The following ARNT2 variants were observed in gnomAD, a reference collection of about 807,000 sequenced individuals.
The protein encoded by ARNT2 is aryl hydrocarbon receptor nuclear translocator 2, also known as ARNT protein 2.
In ARNT2, 36 loss-of-function variants were observed where a neutral mutation model predicts 91.7. The ratio of observed to expected loss-of-function variants is 0.39; its 90% CI spans 0.30 to 0.52. The LOEUF (loss-of-function observed/expected upper bound fraction) is 0.52, where lower values mean the gene tolerates loss of function less well. ARNT2 is among the 20% of genes least tolerant of loss of function. The pLI is 0.72. For synonymous variants in ARNT2, 365 were observed against 347.1 expected (o/e 1.05, Z -0.57); for missense variants, 775 against 939.3 (o/e 0.83, Z 2.29).
intron 1 of ARNT2, among the ~76,000 whole-genome samples, chr15:80,444,009 T>C (rs4778792): frequency 0.92 from 139,506 of 152,304 alleles, 64,053 homozygotes; most frequent in East Asian, 1. Context: ...TTATAGAATG[T>C]GTTCATGTTT....
chr15:80,423,035 A>G (rs1455986655), intron 1 of ARNT2, among the ~76,000 whole-genome samples: 3 of 152,244 alleles, frequency 2.0e-5, no homozygotes, highest in African/African-American at 7.2e-5. Flanking sequence ...TTGCTTTTAA[A>G]TCAAATGTAT....
intron 8 of ARNT2, among the ~76,000 whole-genome samples, chr15:80,539,928 C>T (rs750805699): frequency 2.4e-4 from 36 of 151,772 alleles, no homozygotes; most frequent in East Asian, 5.8e-4. Context: ...AACTGTTATA[C>T]GCTGTTCTTG....
intron 1 of ARNT2, among the ~76,000 whole-genome samples, chr15:80,424,941 C>T (rs529682372): frequency 3.3e-5 from 5 of 152,324 alleles, no homozygotes; most frequent in Admixed American, 2.0e-4. Context: ...TTATCCAGTT[C>T]CTTGTGCAAA....
intron 6 of ARNT2, among the ~76,000 whole-genome samples, chr15:80,508,725 T>C (rs943472558): frequency 1.3e-5 from 2 of 152,258 alleles, no homozygotes; most frequent in African/African-American, 4.8e-5. Flanking sequence ...GAGTAAATTA[T>C]AGTGCCTTGA....
chr15:80,405,508 A>G lies in ARNT2; in HGVS notation c.31+962A>G, dbSNP rs371848340. On this transcript the variant is annotated intron_variant, in intron 1 of 18. Transcript: ENST00000303329. ...AGATAGGGAGGGTCGGGGGAGGAAC[A>G]GCAATGCCTAGCAAAGAAAAGTGTC... is the stretch of plus-strand genomic sequence containing the variant. Among the ~76,000 whole-genome samples, 20 of 152,280 alleles carry G rather than the reference A, an allele frequency of 1.3e-4. No individual in the cohort carries two copies. In the East Asian group the frequency reaches 2.1e-3, roughly 16 times the overall value.
At chr15:80,555,444 A>C (rs543376507) in intron 11 of ARNT2, 1 of 343,400 alleles carries the variant, frequency 2.9e-6, no homozygotes, top group African/African-American at 2.0e-5. Context: ...GGAGAGAATA[A>C]CTGGGATGGG....
intron 14 of ARNT2, 45 bp downstream of exon 14, chr15:80,575,155 A>G: frequency 6.2e-7 from 1 of 1,602,820 alleles, no homozygotes; most frequent in Non-Finnish European, 8.5e-7. Flanking sequence ...GTGGGTTTAC[A>G]GTTGCTTTCA....
chr15:80,495,766 G>A (rs1199429925), intron 5 of ARNT2, among the ~76,000 whole-genome samples: 1 of 152,174 alleles, frequency 6.6e-6, no homozygotes, highest in African/African-American at 2.4e-5. Flanking sequence ...TGGAGCTCCA[G>A]CCAAACAGGA....
At position 80,498,977 on chromosome 15, in the gene ARNT2, C is replaced by T. The variant is rs75009577; in HGVS notation, c.623-9179C>T. 2.8e-3 allele frequency among the ~76,000 whole-genome samples: 424 copies of T among 152,236 alleles called. 1 individual carries two copies. The highest frequency in any genetic ancestry group is 6.2e-3 in the African/African-American group (258 of 41,544). On this transcript the variant is annotated intron_variant, in intron 5 of 18. Coordinates refer to ENST00000303329, the MANE Select transcript of ARNT2 (RefSeq NM_014862.4). ...GGCTGCCCTCTTCAAATCCTGACTC[C>T]GCAGTTCTCAGCTGTGAGACAACCG... is the stretch of plus-strand genomic sequence containing the variant.
intron 11 of ARNT2, chr15:80,559,907 C>T (rs1898296367): frequency 6.6e-6 from 1 of 152,416 alleles, no homozygotes; most frequent in African/African-American, 2.4e-5. Flanking sequence ...TCACCCTGGT[C>T]TGAGGGCCTG....
intron 1 of ARNT2, among the ~76,000 whole-genome samples, chr15:80,448,744 G>T (rs541613351): frequency 6.6e-6 from 1 of 152,198 alleles, no homozygotes; most frequent in Non-Finnish European, 1.5e-5. Flanking sequence ...AGCACTTTGG[G>T]AGGCCGAGGT....
In ARNT2 at chr15:80,575,055, C is replaced by A; in HGVS notation, c.1458C>A (p.Ile486=). 6.2e-7 allele frequency: 1 copy of A among 1,614,208 alleles called. No homozygotes were observed. Among genetic ancestry groups the A allele is most frequent in the Non-Finnish European group, 8.5e-7 (1 of 1,180,026 alleles). ...AGTCCGTGGAAAAGGCGGATGCAAT[C>A]TTCTCCCAGGAAAGAGATCCTCGGT... ...AGKSVEKADA[I]FSQERDPRFA... Residue 486 remains isoleucine, a synonymous_variant, in exon 14 of 19, where the codon ATC becomes ATA. Coordinates refer to ENST00000303329, the MANE Select transcript of ARNT2 (RefSeq NM_014862.4).
At chr15:80,511,075 G>A (rs1897333848) in intron 6 of ARNT2, among the ~76,000 whole-genome samples, 1 of 152,152 alleles carries the variant, frequency 6.6e-6, no homozygotes, top group African/African-American at 2.4e-5. Context: ...ACATATGCAT[G>A]CATATGTTTA....
chr15:80,526,714 G>A (rs1897645859), intron 8 of ARNT2, among the ~76,000 whole-genome samples: 1 of 152,196 alleles, frequency 6.6e-6, no homozygotes. Context: ...CTTTCAGTAA[G>A]CCTTGGCCAC....
chr15:80,564,763 A>G (rs189639803), intron 12 of ARNT2, among the ~76,000 whole-genome samples: 83 of 141,924 alleles, frequency 5.8e-4, no homozygotes, highest in Admixed American at 1.8e-3. Context: ...GTTCCCACTT[A>G]AAGGTGAGAA....
At chr15:80,589,460 C>A (rs1160338125) in intron 17 of ARNT2, among the ~76,000 whole-genome samples, 3 of 152,224 alleles carry the variant, frequency 2.0e-5, no homozygotes, top group Middle Eastern at 3.2e-3. Context: ...CCAAGGAAAC[C>A]ATCATTGCAG....
At chr15:80,474,014 G>C (rs74634570) in intron 4 of ARNT2, among the ~76,000 whole-genome samples, 1,921 of 152,290 alleles carry the variant, frequency 0.013, 29 homozygotes, top group Non-Finnish European at 0.018. Flanking sequence ...GGGTGGCCAT[G>C]GATTACAGTG....
chr15:80,567,539 G>A, intron 12 of ARNT2, among the ~76,000 whole-genome samples: 1 of 152,206 alleles, frequency 6.6e-6, no homozygotes, highest in East Asian at 1.9e-4. Context: ...CTCGGAGAAA[G>A]CATCCCCAGG....
chr15:80,463,928 T>C (rs4778596), intron 3 of ARNT2, among the ~76,000 whole-genome samples: 138,009 of 152,208 alleles, frequency 0.91, 62,678 homozygotes, highest in East Asian at 1. Flanking sequence ...CACCTTGATG[T>C]GTTTCTTACC....
Sources: gnomAD v4.1 joint callset for allele counts (sites outside exome capture counted in the v4.1 genomes callset) on GRCh38, gnomAD v4.1.1 for gene constraint, MANE v1.5 for transcripts, NCBI Gene and HGNC (gene_info 2026-07-23, HGNC 2026-07-21) for gene names.